RUNX1: variants seen among roughly 807,000 people sequenced by gnomAD.
The protein encoded by RUNX1 is runt-related transcription factor 1.
RUNX1 carries 19 observed loss-of-function variants against 42.8 expected under a neutral mutation model. That is an observed-to-expected ratio of 0.44 (90% CI 0.31 to 0.65). The LOEUF (loss-of-function observed/expected upper bound fraction) is 0.65. RUNX1 is among the 30% of genes least tolerant of loss of function. The pLI, the probability that RUNX1 is intolerant of heterozygous loss-of-function variation, is 0.07. For synonymous variants in RUNX1, 271 were observed against 289.4 expected, an observed-to-expected ratio of 0.94 and a Z score of 0.64; for missense variants, 528 against 672.0, an observed-to-expected ratio of 0.79 and a Z score of 2.37.
intron 2 of RUNX1, among the ~76,000 whole-genome samples, chr21:34,934,871 T>G (rs1336852077): frequency 6.6e-6 from 1 of 152,178 alleles, no homozygotes. Flanking sequence ...GCTTCATAGG[T>G]TGAAGACTTT....
chr21:34,930,289 T>TATATATAAATAA, intron 2 of RUNX1, among the ~76,000 whole-genome samples: 1 of 137,330 alleles, frequency 7.3e-6, no homozygotes, highest in African/African-American at 3.1e-5. Context: ...TATATATATA[T>TATATATAAATAA]ATAAATAAAT....
chr21:34,797,339 T>A (rs960113431), intron 8 of RUNX1, among the ~76,000 whole-genome samples: 2 of 152,240 alleles, frequency 1.3e-5, no homozygotes, highest in African/African-American at 4.8e-5. Flanking sequence ...CAAATGTAAC[T>A]GTGATATGGG....
At chr21:34,856,568 T>C (rs2057497596) in intron 6 of RUNX1, 1 of 411,192 alleles carries the variant, frequency 2.4e-6, no homozygotes, top group Non-Finnish European at 4.7e-6. Flanking sequence ...CTCCTCATTC[T>C]GTTAACGCTT....
In RUNX1 at chr21:35,025,092, G is replaced by A. The variant is rs575906350; in HGVS notation, c.58+23750C>T. On this transcript the variant is annotated intron_variant, in intron 2 of 8. Coordinates refer to ENST00000675419, the MANE Select transcript of RUNX1 (RefSeq NM_001754.5). ...AAGTAATAATGGTGCTGTTAGAATG[G>A]TGCTCCCTCTCCCTCCCAGGGGATG... is the stretch of plus-strand genomic sequence containing the variant. Among the ~76,000 whole-genome samples, 3 of 152,208 alleles carry A rather than the reference G, an allele frequency of 2.0e-5. No homozygotes were observed. The South Asian group carries it at 6.2e-4, about 31-fold the overall frequency.
At chr21:35,002,362 T>A (rs1405383770) in intron 2 of RUNX1, among the ~76,000 whole-genome samples, 1 of 151,362 alleles carries the variant, frequency 6.6e-6, no homozygotes, top group Non-Finnish European at 1.5e-5. Context: ...GCCCTTAGTA[T>A]CATTTTCCCA....
intron 2 of RUNX1, among the ~76,000 whole-genome samples, chr21:34,976,258 A>C (rs992174756): frequency 2.0e-5 from 3 of 152,240 alleles, no homozygotes; most frequent in Non-Finnish European, 2.9e-5. Context: ...TTATTAGCAC[A>C]TATCTTGCAA....
intron 3 of RUNX1, chr21:34,887,353 G>C: frequency 7.0e-7 from 1 of 1,436,018 alleles, no homozygotes; most frequent in Non-Finnish European, 9.1e-7. Context: ...TGGGCTCCTA[G>C]CAACCGATTG....
intron 3 of RUNX1, chr21:34,888,580 T>A (rs924720085): frequency 9.4e-7 from 1 of 1,060,316 alleles, no homozygotes; most frequent in African/African-American, 1.7e-5. Flanking sequence ...CCTTCTGGCG[T>A]CCCTAGGAGC....
At chr21:34,851,588 G>GA (rs1297460202) in intron 6 of RUNX1, among the ~76,000 whole-genome samples, 7 of 151,736 alleles carry the variant, frequency 4.6e-5, no homozygotes, top group South Asian at 2.1e-4. Context: ...ATGCAGACAG[G>GA]GTTTTTTTTT....
chr21:34,792,063 C>T lies in RUNX1; in HGVS notation c.*72G>A. ...GCCCGGGATCCCGGCGGGCTTGTCG[C>T]GAACAGGAGGCCCGCGCGCCCGGAG... On this transcript the variant is annotated 3_prime_UTR_variant, in exon 9 of 9. Coordinates refer to ENST00000675419, the MANE Select transcript of RUNX1 (RefSeq NM_001754.5). This position sits in a 1 kb window ranked among gnomAD's most constrained non-coding sequence, Gnocchi z 6.9. 2.0e-6 allele frequency: 2 copies of T among 1,022,652 alleles called. No individual in the cohort carries two copies. Among genetic ancestry groups the T allele is most frequent in the Middle Eastern group, 3.5e-4 (1 of 2,868 alleles). The allele number at this position is 1,022,652 out of a possible 1,614,324, so 63.3% of individuals were successfully genotyped here. A position where few individuals can be genotyped will look rare whatever the true frequency, so the allele number is the denominator to read the frequency against.
At chr21:34,987,417 C>T (rs929801776) in intron 2 of RUNX1, among the ~76,000 whole-genome samples, 16 of 152,148 alleles carry the variant, frequency 1.1e-4, no homozygotes, top group Non-Finnish European at 1.5e-4. Context: ...CCCAGGCGCC[C>T]AGCTTCTTGG....
rs560087204 is a variant in RUNX1 at position 35,048,110 on chromosome 21, C to T, written c.58+732G>A. ...ACTTAAGCTGCGAGAATGCTTAACT[C>T]GGGAAACTTCTCTATTGCCCTTTTC... On this transcript the variant is annotated intron_variant, in intron 2 of 8. Transcript: ENST00000675419. 3.9e-5 allele frequency among the ~76,000 whole-genome samples: 6 copies of T among 152,338 alleles called. No individual in the cohort carries two copies. The South Asian group carries it at 6.2e-4, about 16-fold the overall frequency.
In RUNX1 at chr21:34,874,233, T is replaced by C. The variant is rs577965771; in HGVS notation, c.508+6324A>G. ...TTCAAAAGCATACACTCTCCCCATA[T>C]TGACAGTATATGATTATTCATAAAC... On this transcript the variant is annotated intron_variant, in intron 5 of 8. Transcript: ENST00000675419. Among the ~76,000 whole-genome samples, 5 of 151,918 alleles carry C rather than the reference T, an allele frequency of 3.3e-5. No individual in the cohort carries two copies. The East Asian group carries it at 7.8e-4, about 24-fold the overall frequency.
chr21:34,799,367 G>A lies in RUNX1; in HGVS notation c.901C>T (p.Pro301Ser), dbSNP rs2145908377. 6.2e-7 allele frequency: 1 copy of A among 1,614,212 alleles called. No individual in the cohort carries two copies. The highest frequency in any genetic ancestry group is 1.1e-5 in the South Asian group (1 of 91,088). The change falls in exon 8 of 9, where the codon CCC becomes TCC. Residue 301 changes from proline (P) to serine (S), a missense_variant. Pro to Ser is a moderately conservative substitution (Grantham distance 74). Coordinates refer to ENST00000675419, the MANE Select transcript of RUNX1 (RefSeq NM_001754.5). The stretch of plus-strand genomic sequence containing the variant: ...CCGCTGGCACGTCCAGGTGAAATGG[G>A]CGTTGCTGGGTGCACAGAAGGAGAG... Reference protein sequence around the residue: ...IASPSVHPATPISPGRASGMT... With the variant: ...IASPSVHPATSISPGRASGMT...
intron 2 of RUNX1, among the ~76,000 whole-genome samples, chr21:34,994,792 T>C (rs59390681): frequency 0.44 from 66,929 of 151,780 alleles, 16,124 homozygotes; most frequent in African/African-American, 0.65. Context: ...TTTGTGGTTG[T>C]AGTTAAATTG....
chr21:34,831,620 G>C (rs1264289172), intron 7 of RUNX1, among the ~76,000 whole-genome samples: 1 of 152,174 alleles, frequency 6.6e-6, no homozygotes, highest in African/African-American at 2.4e-5. Context: ...CAGCACCACT[G>C]TGGAACTACT....
chr21:35,011,865 G>A (rs1237183189), intron 2 of RUNX1, among the ~76,000 whole-genome samples: 1 of 152,178 alleles, frequency 6.6e-6, no homozygotes, highest in East Asian at 1.9e-4. Flanking sequence ...AATAAAGTCT[G>A]TAGAAAGCCA....
intron 2 of RUNX1, among the ~76,000 whole-genome samples, chr21:35,040,889 C>A (rs968623354): frequency 6.6e-6 from 1 of 151,898 alleles, no homozygotes; most frequent in Non-Finnish European, 1.5e-5. Flanking sequence ...TTTAACATAA[C>A]CCCCATCTGG....
chr21:34,817,463 T>C (rs1417297681), intron 7 of RUNX1, among the ~76,000 whole-genome samples: 1 of 152,186 alleles, frequency 6.6e-6, no homozygotes, highest in Non-Finnish European at 1.5e-5. Context: ...GAGTCAGCAA[T>C]GGGGCTTAGT....
Sources: allele counts gnomAD v4.1 joint callset (sites outside exome capture counted in the v4.1 genomes callset), GRCh38; gene constraint gnomAD v4.1.1; non-coding constraint Gnocchi (gnomAD v3.1); transcripts MANE v1.5; gene names NCBI Gene and HGNC (gene_info 2026-07-23, HGNC 2026-07-21).